SMARCA2: variants seen among roughly 807,000 people sequenced by gnomAD.
SMARCA2 encodes the protein SWI/SNF related BAF chromatin remodeling complex subunit ATPase 2, also known as SWI/SNF-related matrix-associated actin-dependent regulator of chromatin subfamily A member 2.
Under a neutral mutation model 199.8 loss-of-function variants are expected in SMARCA2, and 61 were observed. The observed-to-expected ratio is 0.31, with a 90% CI of 0.25 to 0.38. The LOEUF is 0.38. Ranked by LOEUF, SMARCA2 falls within the 10% of genes least tolerant of loss-of-function variation. The pLI is 1.00. For synonymous variants in SMARCA2, 935 were observed against 732.0 expected (o/e 1.28, Z -4.48); for missense variants, 1,344 against 2,012.2 (o/e 0.67, Z 6.35).
At chr9:2,172,238 GA>G (rs34959070) in intron 29 of SMARCA2, among the ~76,000 whole-genome samples, 1,602 of 150,062 alleles carry the variant, frequency 0.011, 34 homozygotes, top group African/African-American at 0.036. Flanking sequence ...ACTGAAAATG[GA>G]AAAAAAAAAT....
intron 27 of SMARCA2, among the ~76,000 whole-genome samples, chr9:2,150,241 C>A (rs1326526746): frequency 6.6e-6 from 1 of 151,622 alleles, no homozygotes; most frequent in Non-Finnish European, 1.5e-5. Context: ...TACCTTATGA[C>A]CTATATTCAA....
intron 3 of SMARCA2, among the ~76,000 whole-genome samples, chr9:2,037,749 A>G (rs1819395216): frequency 6.6e-6 from 1 of 152,194 alleles, no homozygotes; most frequent in Non-Finnish European, 1.5e-5. Flanking sequence ...TACATTTATT[A>G]AAGGGCAGAG....
At chr9:2,158,948 T>C (rs1825519316) in intron 27 of SMARCA2, 5 of 1,611,874 alleles carry the variant, frequency 3.1e-6, no homozygotes, top group Non-Finnish European at 4.2e-6. Context: ...TCTGCATTCC[T>C]GCATAAAACC....
In SMARCA2 at chr9:2,029,065, C is replaced by A; in HGVS notation, c.43C>A (p.Pro15Thr). Residue 15 changes from proline to threonine, a missense_variant, in exon 2 of 34, where the codon CCT (proline) becomes ACT (threonine). This residue lies in a region of SMARCA2 where 275 missense variants were observed against 247.5 expected (regional missense o/e 1.11). Coordinates refer to ENST00000349721, the MANE Select transcript of SMARCA2 (RefSeq NM_003070.5). ...CCCTGGTGCGATGCCCCACCCAGGG[C>A]CTTCGCCGGGGCCTGGGCCTTCCCC... ...TDPGAMPHPGPSPGPGPSPGP... is the reference protein window; with the variant it reads ...TDPGAMPHPGTSPGPGPSPGP... 6.4e-7 allele frequency: 1 copy of A among 1,560,386 alleles called. No homozygotes were observed. Among genetic ancestry groups the A allele is most frequent in the Non-Finnish European group, 8.7e-7 (1 of 1,151,322 alleles).
At chr9:2,172,045 G>T (rs1332194910) in intron 29 of SMARCA2, among the ~76,000 whole-genome samples, 2 of 152,180 alleles carry the variant, frequency 1.3e-5, no homozygotes, top group Non-Finnish European at 1.5e-5. Flanking sequence ...CTTGGTGTTT[G>T]CTTCCTCAGG....
chr9:2,189,010 C>CT (rs1827689653), intron 32 of SMARCA2, among the ~76,000 whole-genome samples: 1 of 152,204 alleles, frequency 6.6e-6, no homozygotes. Flanking sequence ...ATGAATCTCT[C>CT]TTTTGCGTCT....
intron 24 of SMARCA2, among the ~76,000 whole-genome samples, chr9:2,111,153 A>C (rs1822980472): frequency 6.6e-6 from 1 of 151,818 alleles, no homozygotes; most frequent in Non-Finnish European, 1.5e-5. Flanking sequence ...GATATTGGTC[A>C]AGATTTGATT....
chr9:2,180,370 T>A (rs1826939489), intron 29 of SMARCA2, among the ~76,000 whole-genome samples: 1 of 152,220 alleles, frequency 6.6e-6, no homozygotes, highest in South Asian at 2.1e-4. Flanking sequence ...AAGCAACTGT[T>A]TGAGTTACTG....
chr9:2,015,782 C>T (rs1194308575), intron 1 of SMARCA2, among the ~76,000 whole-genome samples: 1 of 152,202 alleles, frequency 6.6e-6, no homozygotes, highest in African/African-American at 2.4e-5. Flanking sequence ...AGTGGGCAGT[C>T]AGAGGCGCTG....
intron 33 of SMARCA2, chr9:2,191,743 T>C (rs1827901219): frequency 9.7e-6 from 2 of 206,450 alleles, no homozygotes; most frequent in Non-Finnish European, 2.0e-5. Flanking sequence ...ACAGCCAGCA[T>C]GGTGCCTGGT....
chr9:2,157,113 C>G (rs76157969), intron 27 of SMARCA2, among the ~76,000 whole-genome samples: 1 of 152,192 alleles, frequency 6.6e-6, no homozygotes, highest in African/African-American at 2.4e-5. Context: ...AACGTAGCAT[C>G]TTTGAGGACG....
At chr9:2,036,176 TAG>T (rs1819322080) in intron 3 of SMARCA2, among the ~76,000 whole-genome samples, 1 of 149,988 alleles carries the variant, frequency 6.7e-6, no homozygotes, top group African/African-American at 2.5e-5. Context: ...TATATTTAAA[TAG>T]TGTGTGTGTG....
intron 22 of SMARCA2, 49 bp downstream of exon 22, chr9:2,101,665 A>G (rs371965231): frequency 1.7e-5 from 16 of 929,432 alleles, no homozygotes; most frequent in Non-Finnish European, 2.8e-5. Context: ...TGTTGGCCTT[A>G]CATAAACTCC....
At chr9:2,094,654 ATAGC>A (rs1822195437) in intron 19 of SMARCA2, among the ~76,000 whole-genome samples, 1 of 152,144 alleles carries the variant, frequency 6.6e-6, no homozygotes, top group South Asian at 2.1e-4. Context: ...GTGCCATTCA[ATAGC>A]TATATCTTTG....
chr9:2,062,226 A>G (rs1226446795), intron 9 of SMARCA2, among the ~76,000 whole-genome samples: 1 of 152,250 alleles, frequency 6.6e-6, no homozygotes, highest in Admixed American at 6.5e-5. Flanking sequence ...AAAATTTTTA[A>G]AAATTAAAAA....
chr9:2,019,026 T>C (rs1026956028), intron 1 of SMARCA2, among the ~76,000 whole-genome samples: 1 of 152,158 alleles, frequency 6.6e-6, no homozygotes, highest in Non-Finnish European at 1.5e-5. Flanking sequence ...TCTTGGACTT[T>C]CTTTCTTTTT....
chr9:2,032,990 C>T lies in SMARCA2; in HGVS notation c.264C>T (p.Asp88=), dbSNP rs370078162. 6.2e-7 allele frequency: 1 copy of T among 1,613,606 alleles called. No individual in the cohort carries two copies. Among genetic ancestry groups the T allele is most frequent in the Non-Finnish European group, 8.5e-7 (1 of 1,179,620 alleles). The change falls in exon 3 of 34, where the codon GAC becomes GAT. Residue 88 remains aspartate, a synonymous_variant. Transcript: ENST00000349721. ...DGIHDKGIVE[D]IHCGSMKGTG... is the part of the protein sequence containing the mutation. ...TACATGACAAGGGGATTGTAGAAGACATCCATTGTGGATCCATGAAGGGCA... is the reference window on the plus strand; with the variant it reads ...TACATGACAAGGGGATTGTAGAAGATATCCATTGTGGATCCATGAAGGGCA...
chr9:2,064,482 C>T (rs560922341), intron 9 of SMARCA2, among the ~76,000 whole-genome samples: 9 of 152,182 alleles, frequency 5.9e-5, no homozygotes, highest in South Asian at 2.1e-4. Context: ...TTCTATGATA[C>T]GAAAGTGGAA....
chr9:2,089,669 A>G (rs901955852), intron 19 of SMARCA2, among the ~76,000 whole-genome samples: 4 of 152,192 alleles, frequency 2.6e-5, no homozygotes, highest in Non-Finnish European at 4.4e-5. Flanking sequence ...CTGCTGGTGA[A>G]TGCATCTTGG....
Sources: allele counts gnomAD v4.1 joint callset (sites outside exome capture counted in the v4.1 genomes callset), GRCh38; gene constraint gnomAD v4.1.1; regional missense constraint gnomAD v4.1.1; transcripts MANE v1.5; gene names NCBI Gene and HGNC (gene_info 2026-07-23, HGNC 2026-07-21).